Variants in ROBO1 observed in about 807,000 individuals in gnomAD.
The protein encoded by ROBO1 is roundabout homolog 1.
In ROBO1, 149 loss-of-function variants were observed where a neutral mutation model predicts 195.9. That is an observed-to-expected ratio of 0.76 (90% confidence interval 0.67 to 0.87). The LOEUF is 0.87. Among genes scored for constraint, ROBO1 ranks in the 40% least tolerant of loss-of-function variants. The probability of loss-of-function intolerance (pLI) is 0.00; values close to 1 mark genes in which losing one functional copy is unlikely to be tolerated. For missense variants in ROBO1, 1,933 were observed against 2,068.3 expected (o/e 0.93, Z 1.27); for synonymous variants, 816 against 733.2 (o/e 1.11, Z -1.82).
At chr3:79,688,371 T>A (rs7429100) in intron 1 of ROBO1, among the ~76,000 whole-genome samples, 91,658 of 151,758 alleles carry the variant, frequency 0.6, 27,895 homozygotes, top group South Asian at 0.69. Flanking sequence ...AGTATAATTT[T>A]AAAAAAATCA....
rs1410010624 is a variant in ROBO1, at chr3:78,938,858, T to C, written c.242A>G (p.Lys81Arg). The change falls in exon 4 of 31, where the codon AAA becomes AGA. Residue 81 changes from lysine to arginine, a missense_variant. Physicochemically the swap from Lys to Arg is conservative, Grantham distance 26 (BLOSUM62 2). Around this residue, in one of 3 missense-constraint regions of ROBO1, gnomAD observed 185 missense variants for 159.5 expected, o/e 1.16. Transcript: ENST00000464233. Reference sequence around the variant, plus strand: ...GCAGTTCAAAGTTGCAGGTTCTCCTTTTGAGACAATCAGGTCTGAAGGGTG... The same window carrying C: ...GCAGTTCAAAGTTGCAGGTTCTCCTCTTGAGACAATCAGGTCTGAAGGGTG... ...VEHPSDLIVS[K>R]GEPATLNCKA... 1.2e-6 allele frequency: 2 copies of C among 1,613,924 alleles called. No individual in the cohort carries two copies. The highest frequency in any genetic ancestry group is 2.7e-5 in the African/African-American group (2 of 74,940).
chr3:79,311,055 T>C (rs1190295955), intron 2 of ROBO1, among the ~76,000 whole-genome samples: 1 of 152,220 alleles, frequency 6.6e-6, no homozygotes, highest in Non-Finnish European at 1.5e-5. Flanking sequence ...TCATGACTAA[T>C]GGCTCATAAG....
At chr3:78,936,306 T>C (rs2039804567) in intron 4 of ROBO1, among the ~76,000 whole-genome samples, 1 of 152,052 alleles carries the variant, frequency 6.6e-6, no homozygotes, top group African/African-American at 2.4e-5. Flanking sequence ...ATAAAACACA[T>C]GAAAATGTTT....
intron 5 of ROBO1, among the ~76,000 whole-genome samples, chr3:78,739,486 C>T (rs1254695020): frequency 6.6e-6 from 1 of 152,140 alleles, no homozygotes; most frequent in Non-Finnish European, 1.5e-5. Context: ...AGTTGAATAA[C>T]TTACTGATTT....
chr3:79,062,727 C>T (rs1559631900), intron 3 of ROBO1, among the ~76,000 whole-genome samples: 1 of 151,994 alleles, frequency 6.6e-6, no homozygotes, highest in African/African-American at 2.4e-5. Context: ...CAAACTATCA[C>T]AAGGACAGAA....
intron 3 of ROBO1, among the ~76,000 whole-genome samples, chr3:79,059,162 G>T (rs1007063234): frequency 2.0e-5 from 3 of 152,072 alleles, no homozygotes; most frequent in Non-Finnish European, 4.4e-5. Flanking sequence ...CCTATAATGA[G>T]ACTGATCATT....
intron 2 of ROBO1, among the ~76,000 whole-genome samples, chr3:79,195,765 A>G (rs1431421450): frequency 6.6e-6 from 1 of 151,436 alleles, no homozygotes; most frequent in Admixed American, 6.6e-5. Context: ...TTTTTCAGAA[A>G]ACCCAAAGGC....
At chr3:79,242,632 A>G (rs2082541220) in intron 2 of ROBO1, among the ~76,000 whole-genome samples, 3 of 152,302 alleles carry the variant, frequency 2.0e-5, no homozygotes, top group East Asian at 1.9e-4. Flanking sequence ...AAGCTGCATC[A>G]CTTATTACAT....
intron 4 of ROBO1, among the ~76,000 whole-genome samples, chr3:78,881,095 G>C (rs1279509884): frequency 6.6e-6 from 1 of 152,172 alleles, no homozygotes; most frequent in African/African-American, 2.4e-5. Flanking sequence ...TGCTTATTCA[G>C]CTCAGTAGTG....
chr3:79,297,832 A>C (rs1446958097), intron 2 of ROBO1, among the ~76,000 whole-genome samples: 1 of 152,118 alleles, frequency 6.6e-6, no homozygotes, highest in Non-Finnish European at 1.5e-5. Context: ...TTTAATAAAT[A>C]CTATTCTGGA....
At chr3:78,630,190 T>G (rs548534133) in intron 25 of ROBO1, among the ~76,000 whole-genome samples, 1 of 152,330 alleles carries the variant, frequency 6.6e-6, no homozygotes, top group East Asian at 1.9e-4. Context: ...TATGTATTGG[T>G]CAGTGGACAA....
chr3:79,725,894 T>C (rs1005851355), intron 1 of ROBO1, among the ~76,000 whole-genome samples: 2 of 145,114 alleles, frequency 1.4e-5, no homozygotes, highest in South Asian at 2.4e-4. Flanking sequence ...AAAGCTTACA[T>C]ACAGACACTT....
At chr3:79,507,731 A>G (rs1473779503) in intron 2 of ROBO1, among the ~76,000 whole-genome samples, 5 of 152,162 alleles carry the variant, frequency 3.3e-5, no homozygotes, top group Non-Finnish European at 7.3e-5. Flanking sequence ...TCTTCACAAT[A>G]TAACATTTAG....
intron 3 of ROBO1, among the ~76,000 whole-genome samples, chr3:79,038,315 C>T (rs575539970): frequency 1.9e-4 from 29 of 151,686 alleles, no homozygotes; most frequent in Non-Finnish European, 3.2e-4. Context: ...GACAGTAGAA[C>T]CTCGTGGTGG....
At chr3:78,741,052 G>C (rs2082519617) in intron 5 of ROBO1, among the ~76,000 whole-genome samples, 1 of 152,020 alleles carries the variant, frequency 6.6e-6, no homozygotes, top group African/African-American at 2.4e-5. Context: ...CATATATTAA[G>C]ATAAACTATA....
At chr3:78,687,833 G>A (rs536581573) in intron 9 of ROBO1, among the ~76,000 whole-genome samples, 73 of 152,102 alleles carry the variant, frequency 4.8e-4, no homozygotes, top group Non-Finnish European at 7.2e-4. Flanking sequence ...GTCTTACTAT[G>A]TTGCCCAGGC....
At chr3:79,490,997 A>T (rs1347960992) in intron 2 of ROBO1, among the ~76,000 whole-genome samples, 4 of 151,994 alleles carry the variant, frequency 2.6e-5, no homozygotes, top group Non-Finnish European at 4.4e-5. Flanking sequence ...AGGAGCCTTT[A>T]AAAAAAGTGT....
chr3:78,780,449 T>G (rs1340766330), intron 4 of ROBO1, among the ~76,000 whole-genome samples: 1 of 152,084 alleles, frequency 6.6e-6, no homozygotes, highest in Non-Finnish European at 1.5e-5. Context: ...CATTTTTGTA[T>G]TTCTAGATTT....
chr3:79,315,783 C>G (rs2033703520), intron 2 of ROBO1, among the ~76,000 whole-genome samples: 1 of 152,180 alleles, frequency 6.6e-6, no homozygotes, highest in African/African-American at 2.4e-5. Context: ...AAAAGATACA[C>G]TTTTGGCAAC....
Sources: allele counts gnomAD v4.1 joint callset (sites outside exome capture counted in the v4.1 genomes callset), GRCh38; gene constraint gnomAD v4.1.1; regional missense constraint gnomAD v4.1.1; transcripts MANE v1.5; gene names NCBI Gene and HGNC (gene_info 2026-07-23, HGNC 2026-07-21).